VWA8: variants seen among roughly 807,000 people sequenced by gnomAD.
VWA8 encodes the protein von Willebrand factor A domain-containing protein 8.
A neutral mutation model predicts 241.5 loss-of-function variants in VWA8; 221 were observed. The ratio of observed to expected loss-of-function variants is 0.91; its 90% CI spans 0.82 to 1.02. VWA8 has a LOEUF of 1.02. Among genes scored for constraint, VWA8 ranks in the 50% least tolerant of loss-of-function variants. VWA8 has a pLI of 0.00. For missense variants in VWA8, 2,322 were observed against 2,328.7 expected, an observed-to-expected ratio of 1.00 and a Z score of 0.06; for synonymous variants, 852 against 827.1, an observed-to-expected ratio of 1.03 and a Z score of -0.52.
intron 4 of VWA8, among the ~76,000 whole-genome samples, chr13:41,906,459 C>T (rs1449740630): frequency 6.6e-6 from 1 of 152,112 alleles, no homozygotes; most frequent in African/African-American, 2.4e-5. Context: ...TCACAGTATA[C>T]ATACTGTCTT....
chr13:41,611,813 C>A, intron 38 of VWA8, 81 bp from the exon 39 acceptor site: 1 of 1,501,356 alleles, frequency 6.7e-7, no homozygotes, highest in Non-Finnish European at 9.1e-7. Flanking sequence ...TTTAGGACAG[C>A]CTTGTGGAGG....
At chr13:41,814,908 T>C (rs1870622306) in intron 16 of VWA8, among the ~76,000 whole-genome samples, 1 of 151,990 alleles carries the variant, frequency 6.6e-6, no homozygotes, top group African/African-American at 2.4e-5. Context: ...AGAAGGAAGA[T>C]AGACAACAAA....
intron 20 of VWA8, among the ~76,000 whole-genome samples, chr13:41,770,220 T>C (rs1259404841): frequency 6.6e-6 from 1 of 151,498 alleles, no homozygotes; most frequent in African/African-American, 2.4e-5. Context: ...GGCCGAGACG[T>C]GTGGATCATG....
chr13:41,657,482 CT>C (rs35182691), intron 37 of VWA8, among the ~76,000 whole-genome samples: 5,392 of 135,992 alleles, frequency 0.04, 44 homozygotes, highest in Non-Finnish European at 0.056. Context: ...AAAAGTTATT[CT>C]TTTTTTTTTT....
chr13:41,926,212 C>T (rs548774988), intron 2 of VWA8: 2 of 691,620 alleles, frequency 2.9e-6, no homozygotes, highest in South Asian at 3.4e-5. Context: ...ACACTGCTGT[C>T]TCCCCACATG....
At chr13:41,883,516 G>C in intron 8 of VWA8, 25 bp from the exon 9 acceptor site, 1 of 1,536,694 alleles carries the variant, frequency 6.5e-7, no homozygotes, top group Non-Finnish European at 9.0e-7. Flanking sequence ...AAATACATAG[G>C]AATGAGCAAA....
intron 16 of VWA8, among the ~76,000 whole-genome samples, chr13:41,815,916 A>C (rs1870670298): frequency 6.6e-6 from 1 of 152,206 alleles, no homozygotes; most frequent in Admixed American, 6.5e-5. Flanking sequence ...TTAACTGGTG[A>C]GATTTGTTTT....
intron 12 of VWA8, among the ~76,000 whole-genome samples, chr13:41,846,922 G>A (rs1421863935): frequency 1.3e-5 from 2 of 152,032 alleles, no homozygotes; most frequent in East Asian, 3.9e-4. Context: ...CCAGCTACTC[G>A]GGAGGCTGAA....
chr13:41,886,130 T>G, intron 7 of VWA8, 102 bp from the exon 8 acceptor site: 1 of 770,926 alleles, frequency 1.3e-6, no homozygotes, highest in Non-Finnish European at 2.1e-6. Context: ...CTAAAAAAGA[T>G]CCCTAATATT....
chr13:41,822,884 T>A (rs909893803), intron 14 of VWA8, among the ~76,000 whole-genome samples: 1 of 152,084 alleles, frequency 6.6e-6, no homozygotes, highest in African/African-American at 2.4e-5. Flanking sequence ...TCCATTTATA[T>A]AAAACTCTAG....
chr13:41,657,637 C>T (rs2044917316), intron 37 of VWA8, among the ~76,000 whole-genome samples: 1 of 151,910 alleles, frequency 6.6e-6, no homozygotes, highest in African/African-American at 2.4e-5. Context: ...CTACAGGCGC[C>T]CGCCACCGCG....
At chr13:41,882,697 G>A (rs368364477) in intron 9 of VWA8, among the ~76,000 whole-genome samples, 7 of 152,204 alleles carry the variant, frequency 4.6e-5, no homozygotes, top group African/African-American at 1.7e-4. Context: ...GCAGGCACTC[G>A]GCAGGCTGAG....
intron 7 of VWA8, among the ~76,000 whole-genome samples, chr13:41,886,236 T>C (rs936547164): frequency 1.3e-5 from 2 of 152,168 alleles, no homozygotes; most frequent in East Asian, 3.8e-4. Flanking sequence ...TCACAATATT[T>C]GAGGTTTTTC....
At chr13:41,960,777 G>C in intron 1 of VWA8, 76 bp downstream of exon 1, 1 of 1,443,188 alleles carries the variant, frequency 6.9e-7, no homozygotes, top group South Asian at 1.4e-5. Flanking sequence ...GCAACAGAGA[G>C]GAGGGGCGGG....
intron 19 of VWA8, among the ~76,000 whole-genome samples, chr13:41,781,621 C>T (rs1482597736): frequency 6.6e-6 from 1 of 152,138 alleles, no homozygotes. Flanking sequence ...AATTCTTACC[C>T]ATCTAAAACT....
At chr13:41,784,697 C>CAT (rs59582293) in intron 18 of VWA8, among the ~76,000 whole-genome samples, 2,516 of 56,882 alleles carry the variant, frequency 0.044, 107 homozygotes, top group African/African-American at 0.1. Context: ...TATACATATA[C>CAT]ATATATATAT....
intron 21 of VWA8, among the ~76,000 whole-genome samples, chr13:41,750,459 CAA>C (rs1481148781): frequency 1.1e-5 from 1 of 93,342 alleles, no homozygotes; most frequent in Non-Finnish European, 2.4e-5. Context: ...ACAACAACAA[CAA>C]AACAAAAACA....
chr13:41,855,292 C>G (rs1171764764), intron 12 of VWA8, among the ~76,000 whole-genome samples: 1 of 144,996 alleles, frequency 6.9e-6, no homozygotes, highest in South Asian at 2.1e-4. Context: ...CAATGGCCCA[C>G]CACGGGTTTA....
rs748928203 is a variant in VWA8, at chr13:41,575,731, T to C, written c.5370+9A>G. 1 of 1,597,946 alleles carries C rather than the reference T, an allele frequency of 6.3e-7. No individual in the cohort carries two copies. Among genetic ancestry groups the C allele is most frequent in the Non-Finnish European group, 8.6e-7 (1 of 1,167,526 alleles). ...CTTTCATAATACAGAGGTAATAAAATATATTTACCTTCAGAATTTCTAGTC... is the reference window on the plus strand; with the variant it reads ...CTTTCATAATACAGAGGTAATAAAACATATTTACCTTCAGAATTTCTAGTC... On this transcript the variant is annotated intron_variant, in intron 43 of 44. Coordinates refer to ENST00000379310, the MANE Select transcript of VWA8 (RefSeq NM_015058.2).
Sources: gnomAD v4.1 joint callset for allele counts (sites outside exome capture counted in the v4.1 genomes callset) on GRCh38, gnomAD v4.1.1 for gene constraint, MANE v1.5 for transcripts, NCBI Gene and HGNC (gene_info 2026-07-23, HGNC 2026-07-21) for gene names.